The following OR3A2 variants were observed in gnomAD, a reference collection of about 807,000 sequenced individuals.
The protein encoded by OR3A2 is olfactory receptor 3A2.
For missense variants in OR3A2, 318 were observed against 392.8 expected, an observed-to-expected ratio of 0.81 and a Z score of 1.61; for synonymous variants, 126 against 159.3, an observed-to-expected ratio of 0.79 and a Z score of 1.57.
chr17:3,279,564 C>T lies in OR3A2; in HGVS notation c.-6-641G>A, dbSNP rs543032607. On this transcript the variant is annotated intron_variant, in intron 1 of 1. Coordinates refer to ENST00000642052, the Ensembl canonical transcript of OR3A2. ...ATCCCAGCAGTTTGGGAGGCCAAGG[C>T]GGGTGCATCATCTGAGATCAGGAGT... Among the ~76,000 whole-genome samples, 16 of 152,158 alleles carry T rather than the reference C, an allele frequency of 1.1e-4. 1 individual carries two copies. The highest frequency in any genetic ancestry group is 9.2e-4 in the Admixed American group (14 of 15,280).
chr17:3,297,020 C>A (rs2048924352), intron 3 of OR3A2, among the ~76,000 whole-genome samples: 1 of 152,154 alleles, frequency 6.6e-6, no homozygotes, highest in South Asian at 2.1e-4. Flanking sequence ...CCTCTGGGCC[C>A]TGCAGAGATT....
At chr17:3,363,250 C>G (rs540292476) in intron 2 of OR3A2, among the ~76,000 whole-genome samples, 2 of 151,926 alleles carry the variant, frequency 1.3e-5, no homozygotes, top group African/African-American at 4.9e-5. Context: ...TTTCTTTCTT[C>G]ATGCATATGA....
intron 2 of OR3A2, among the ~76,000 whole-genome samples, chr17:3,342,170 C>CT (rs1428045367): frequency 6.6e-6 from 1 of 152,114 alleles, no homozygotes; most frequent in Non-Finnish European, 1.5e-5. Context: ...TTTGTCTAAT[C>CT]TTTTTTCAAG....
At chr17:3,300,490 CA>C (rs1184719897) in intron 3 of OR3A2, among the ~76,000 whole-genome samples, 4 of 152,082 alleles carry the variant, frequency 2.6e-5, no homozygotes, top group Non-Finnish European at 5.9e-5. Context: ...ACCTGGGAGG[CA>C]GAGGTTGCAG....
intron 2 of OR3A2, among the ~76,000 whole-genome samples, chr17:3,367,623 G>A (rs927846720): frequency 1.3e-5 from 1 of 77,446 alleles, no homozygotes; most frequent in African/African-American, 5.4e-5. Flanking sequence ...ATATATATAT[G>A]CCATTTTCTT....
At chr17:3,347,228 T>C (rs2049372980) in intron 2 of OR3A2, among the ~76,000 whole-genome samples, 1 of 98,086 alleles carries the variant, frequency 1.0e-5, no homozygotes, top group African/African-American at 5.0e-5. Context: ...TGTTTGCCAT[T>C]TGTATGTCTT....
intron 2 of OR3A2, among the ~76,000 whole-genome samples, chr17:3,346,337 C>A (rs2049363784): frequency 6.6e-6 from 1 of 152,048 alleles, no homozygotes. Flanking sequence ...CAAATTACAT[C>A]CTGAAAAATG....
intron 2 of OR3A2, among the ~76,000 whole-genome samples, chr17:3,379,632 T>G (rs1053094383): frequency 1.3e-5 from 2 of 152,140 alleles, no homozygotes; most frequent in Admixed American, 6.5e-5. Context: ...TCCACTTCAC[T>G]GCTCACAGTG....
rs531177124 is a variant in OR3A2 at position 3,372,789 on chromosome 17, G to A, written c.-179+11015C>T. Among the ~76,000 whole-genome samples, 12 of 150,336 alleles carry A rather than the reference G, an allele frequency of 8.0e-5. No individual in the cohort carries two copies. The South Asian group carries it at 1.1e-3, about 13-fold the overall frequency. ...GATGGCAGCAGTACAGTCCAGCTTC[G>A]GCTCGGCATCAGAGGGAGACCATGG... On this transcript the variant is annotated intron_variant, in intron 2 of 4. Coordinates refer to the OR3A2 transcript ENST00000573491.
At chr17:3,351,028 G>A (rs1018532909) in intron 2 of OR3A2, among the ~76,000 whole-genome samples, 8 of 151,884 alleles carry the variant, frequency 5.3e-5, no homozygotes, top group African/African-American at 1.7e-4. Context: ...TTGGTGGGAC[G>A]TATTTCAAAA....
intron 1 of OR3A2, among the ~76,000 whole-genome samples, chr17:3,283,147 T>C (rs752523182): frequency 1.3e-5 from 2 of 152,228 alleles, no homozygotes; most frequent in Admixed American, 6.5e-5. Context: ...TGTAAGTGAC[T>C]TGAGGACAGA....
At chr17:3,328,696 G>A (rs868377865) in intron 3 of OR3A2, among the ~76,000 whole-genome samples, 15 of 148,750 alleles carry the variant, frequency 1.0e-4, no homozygotes, top group African/African-American at 3.8e-4. Context: ...CTGTGGGTTT[G>A]TCATAGATAG....
intron 2 of OR3A2, among the ~76,000 whole-genome samples, chr17:3,374,447 G>C (rs1364020866): frequency 2.0e-5 from 3 of 152,026 alleles, no homozygotes; most frequent in Admixed American, 2.0e-4. Flanking sequence ...TCTTATGTTT[G>C]GTTGTTTAAC....
chr17:3,348,582 T>C (rs2049390534), intron 2 of OR3A2, among the ~76,000 whole-genome samples: 1 of 152,142 alleles, frequency 6.6e-6, no homozygotes, highest in Non-Finnish European at 1.5e-5. Flanking sequence ...ACGGGGAGAA[T>C]GGAACCAAGT....
At chr17:3,328,941 AG>A in intron 3 of OR3A2, among the ~76,000 whole-genome samples, 1 of 151,570 alleles carries the variant, frequency 6.6e-6, no homozygotes, top group East Asian at 1.9e-4. Context: ...ATTTTGTCAA[AG>A]GCCTTTTCTG....
At chr17:3,305,067 A>AGT (rs1180735960) in intron 3 of OR3A2, among the ~76,000 whole-genome samples, 1 of 152,192 alleles carries the variant, frequency 6.6e-6, no homozygotes, top group Non-Finnish European at 1.5e-5. Flanking sequence ...TATTTTGGTA[A>AGT]GTGTATGCAT....
chr17:3,314,404 T>A (rs2049065102), intron 3 of OR3A2, among the ~76,000 whole-genome samples: 1 of 152,204 alleles, frequency 6.6e-6, no homozygotes, highest in Non-Finnish European at 1.5e-5. Context: ...ATAATTTAAA[T>A]AAAAAGCATA....
At chr17:3,365,668 G>A (rs778170068) in intron 2 of OR3A2, among the ~76,000 whole-genome samples, 1 of 152,192 alleles carries the variant, frequency 6.6e-6, no homozygotes, top group Non-Finnish European at 1.5e-5. Context: ...TGAGGTTACT[G>A]CAGCAGGGAA....
Position 3,327,917 on chromosome 17 carries a change from T to C in OR3A2, c.-85+8116A>G, listed in dbSNP as rs1453966746. On this transcript the variant is annotated intron_variant, in intron 3 of 4. Transcript: ENST00000573491. Reference sequence around the variant, plus strand: ...CTCTGTTCTGTTCCATTGACCTATATCTCTGTTTTGGTACCAGTACCATGC... The same window carrying C: ...CTCTGTTCTGTTCCATTGACCTATACCTCTGTTTTGGTACCAGTACCATGC... Among the ~76,000 whole-genome samples, 2 of 125,382 alleles carry C rather than the reference T, an allele frequency of 1.6e-5. 1 individual carries two copies. The highest frequency in any genetic ancestry group is 6.8e-5 in the African/African-American group (2 of 29,208). 82.3% of individuals were successfully genotyped at this position (125,382 alleles called of 152,430 possible).
Sources: gnomAD v4.1 joint callset for allele counts (sites outside exome capture counted in the v4.1 genomes callset) on GRCh38, gnomAD v4.1.1 for gene constraint, MANE v1.5 for transcripts, NCBI Gene and HGNC (gene_info 2026-07-23, HGNC 2026-07-21) for gene names.